Variants in CARMIL1 observed in about 807,000 individuals in gnomAD.
CARMIL1 encodes the protein F-actin-uncapping protein LRRC16A.
A neutral mutation model predicts 177.1 loss-of-function variants in CARMIL1; 90 were observed. The observed-to-expected ratio is 0.51, with a 90% CI of 0.43 to 0.61. CARMIL1 has a LOEUF of 0.61. Among genes scored for constraint, CARMIL1 ranks in the 20% least tolerant of loss-of-function variants. CARMIL1 has a pLI of 0.00. For synonymous variants in CARMIL1, 577 were observed against 606.2 expected, an observed-to-expected ratio of 0.95 and a Z score of 0.71; for missense variants, 1,380 against 1,667.0, an observed-to-expected ratio of 0.83 and a Z score of 3.00.
intron 32 of CARMIL1, among the ~76,000 whole-genome samples, chr6:25,596,842 A>AACACAC (rs1041676588): frequency 9.8e-6 from 1 of 102,376 alleles, no homozygotes; most frequent in Non-Finnish European, 1.9e-5. Context: ...TCTGTCACCA[A>AACACAC]ACACACAGAC....
At chr6:25,601,069 CCTT>C (rs1478523205) in intron 33 of CARMIL1, among the ~76,000 whole-genome samples, 6 of 152,202 alleles carry the variant, frequency 3.9e-5, no homozygotes, top group Non-Finnish European at 8.8e-5. Flanking sequence ...CCAATCTACT[CCTT>C]GTCTTCGTGA....
chr6:25,396,034 A>G (rs1293398845), intron 2 of CARMIL1, among the ~76,000 whole-genome samples: 2 of 152,112 alleles, frequency 1.3e-5, no homozygotes, highest in Non-Finnish European at 2.9e-5. Flanking sequence ...GGTGGCACTC[A>G]AGCTTTTCCT....
At chr6:25,559,941 C>G (rs189431529) in intron 29 of CARMIL1, among the ~76,000 whole-genome samples, 33 of 152,216 alleles carry the variant, frequency 2.2e-4, no homozygotes, top group Admixed American at 9.2e-4. Context: ...GTTATAATTG[C>G]ACTAGGGGAG....
At chr6:25,580,545 C>T (rs1005558202) in intron 29 of CARMIL1, among the ~76,000 whole-genome samples, 1 of 152,284 alleles carries the variant, frequency 6.6e-6, no homozygotes, top group Non-Finnish European at 1.5e-5. Context: ...GGGTTGCTTA[C>T]ATTGATGTTA....
At chr6:25,377,063 C>G (rs946298748) in intron 2 of CARMIL1, among the ~76,000 whole-genome samples, 1 of 152,206 alleles carries the variant, frequency 6.6e-6, no homozygotes, top group Admixed American at 6.5e-5. Flanking sequence ...GACTGTACCC[C>G]TCATCCAAGC....
intron 2 of CARMIL1, among the ~76,000 whole-genome samples, chr6:25,414,294 C>T (rs1294081636): frequency 6.6e-6 from 1 of 152,090 alleles, no homozygotes; most frequent in Non-Finnish European, 1.5e-5. Flanking sequence ...GTAGATTGAC[C>T]AACAGTCCCA....
intron 8 of CARMIL1, among the ~76,000 whole-genome samples, chr6:25,461,799 T>G (rs1014180929): frequency 1.3e-5 from 2 of 152,196 alleles, no homozygotes; most frequent in Non-Finnish European, 2.9e-5. Flanking sequence ...TTGGCTCCAT[T>G]TGAGAGTTCC....
chr6:25,341,665 C>A (rs1443686732), intron 2 of CARMIL1, among the ~76,000 whole-genome samples: 1 of 152,256 alleles, frequency 6.6e-6, no homozygotes, highest in East Asian at 1.9e-4. Flanking sequence ...TTGCAGTGAG[C>A]TGAGATTGTG....
intron 2 of CARMIL1, among the ~76,000 whole-genome samples, chr6:25,292,174 G>A (rs1174419002): frequency 6.6e-6 from 1 of 152,186 alleles, no homozygotes; most frequent in Non-Finnish European, 1.5e-5. Context: ...TCTGTGAGAC[G>A]CTCTTGTACC....
intron 2 of CARMIL1, among the ~76,000 whole-genome samples, chr6:25,292,861 A>G (rs1249804274): frequency 6.6e-6 from 1 of 152,168 alleles, no homozygotes; most frequent in Admixed American, 6.5e-5. Flanking sequence ...GGACATTAAG[A>G]AGCCAGGAAA....
At chr6:25,472,394 G>C in intron 10 of CARMIL1, 33 bp from the exon 11 acceptor site, 1 of 1,400,570 alleles carries the variant, frequency 7.1e-7, no homozygotes, top group East Asian at 2.5e-5. Flanking sequence ...TTTACATTTT[G>C]TTATTTAATC....
intron 2 of CARMIL1, among the ~76,000 whole-genome samples, chr6:25,407,328 A>G (rs10946775): frequency 0.44 from 67,277 of 151,536 alleles, 15,201 homozygotes; most frequent in Middle Eastern, 0.58. Context: ...GAGATGGAAG[A>G]GAAAGGATAT....
chr6:25,345,202 A>G (rs1787380672), intron 2 of CARMIL1, among the ~76,000 whole-genome samples: 1 of 152,138 alleles, frequency 6.6e-6, no homozygotes, highest in Non-Finnish European at 1.5e-5. Context: ...AGCATTTAAC[A>G]GTCAGTAAGT....
At chr6:25,376,288 C>T (rs1246580655) in intron 2 of CARMIL1, among the ~76,000 whole-genome samples, 1 of 152,176 alleles carries the variant, frequency 6.6e-6, no homozygotes, top group African/African-American at 2.4e-5. Flanking sequence ...CCATGTTGGC[C>T]AGGCTGATCT....
intron 2 of CARMIL1, among the ~76,000 whole-genome samples, chr6:25,364,572 C>CTTTTTTTTTTTTTTTTTTTTTT (rs199573991): frequency 6.6e-6 from 1 of 150,470 alleles, no homozygotes; most frequent in Non-Finnish European, 1.5e-5. Context: ...TCTTTTTCTT[C>CTTTTTTTTTTTTTTTTTTTTTT]TTTTTTTTGA....
chr6:25,547,385 T>TC (rs1809609064), intron 26 of CARMIL1, among the ~76,000 whole-genome samples: 1 of 152,180 alleles, frequency 6.6e-6, no homozygotes, highest in Non-Finnish European at 1.5e-5. Flanking sequence ...AGAAGGTTGG[T>TC]AGTCTTGTTC....
At chr6:25,318,274 G>A (rs952705003) in intron 2 of CARMIL1, among the ~76,000 whole-genome samples, 1 of 152,150 alleles carries the variant, frequency 6.6e-6, no homozygotes, top group Non-Finnish European at 1.5e-5. Flanking sequence ...CATCCATGCT[G>A]AAATTGGAAA....
intron 8 of CARMIL1, among the ~76,000 whole-genome samples, chr6:25,453,435 T>G (rs1799188528): frequency 6.6e-6 from 1 of 152,172 alleles, no homozygotes; most frequent in Admixed American, 6.5e-5. Flanking sequence ...ACACAAACAC[T>G]TTACATTGAG....
Position 25,495,127 on chromosome 6 carries a change from C to A in CARMIL1, c.1237C>A (p.Pro413Thr). Reference sequence around the variant, plus strand: ...TTTTTTCAGGAAAGGAAAAGAAGTACCTCCATCTTTCAAGCAATTTTTTAG... The same window carrying A: ...TTTTTTCAGGAAAGGAAAAGAAGTAACTCCATCTTTCAAGCAATTTTTTAG... ...VFSHRKGKEV[P>T]PSFKQFFSSS... The change falls in exon 16 of 37, where the codon CCT becomes ACT. Residue 413 changes from proline (P) to threonine (T), a missense_variant. Pro to Thr is a conservative substitution (Grantham distance 38, BLOSUM62 -1). Transcript: ENST00000329474. The A allele has an allele frequency of 6.2e-7, 1 of 1,610,066 alleles. No individual in the cohort carries two copies. The highest frequency in any genetic ancestry group is 8.5e-7 in the Non-Finnish European group (1 of 1,177,206).
Sources: allele counts gnomAD v4.1 joint callset (sites outside exome capture counted in the v4.1 genomes callset), GRCh38; gene constraint gnomAD v4.1.1; transcripts MANE v1.5; gene names NCBI Gene and HGNC (gene_info 2026-07-23, HGNC 2026-07-21).